The following NUP188 variants were observed in gnomAD, a reference collection of about 807,000 sequenced individuals.
NUP188 encodes the protein nucleoporin NUP188.
Under a neutral mutation model 223.0 loss-of-function variants are expected in NUP188, and 97 were observed. The observed-to-expected ratio is 0.43, with a 90% CI of 0.37 to 0.51. The LOEUF (loss-of-function observed/expected upper bound fraction) is 0.51, where lower values mean the gene tolerates loss of function less well. NUP188 is among the 20% of genes least tolerant of loss of function. The pLI is 0.00. For synonymous variants in NUP188, 869 were observed against 828.0 expected (o/e 1.05, Z -0.85); for missense variants, 1,947 against 2,175.6 (o/e 0.89, Z 2.09).
At chr9:128,988,644 A>G (rs1185085858) in intron 24 of NUP188, among the ~76,000 whole-genome samples, 1 of 152,042 alleles carries the variant, frequency 6.6e-6, no homozygotes. Context: ...CATAAATCCA[A>G]AATGTTCCAG....
At chr9:128,994,691 G>A (rs1842489159) in intron 28 of NUP188, among the ~76,000 whole-genome samples, 165 bp from the exon 29 acceptor site, 1 of 152,232 alleles carries the variant, frequency 6.6e-6, no homozygotes. Flanking sequence ...TGGAGACGTT[G>A]TGGACCTGAC....
At chr9:128,992,080 G>GT (rs1202491870) in intron 25 of NUP188, among the ~76,000 whole-genome samples, 1 of 151,264 alleles carries the variant, frequency 6.6e-6, no homozygotes, top group East Asian at 2.0e-4. Flanking sequence ...CTAATTTTTT[G>GT]TATTTTTTTT....
At position 128,986,570 on chromosome 9, in the gene NUP188, A is replaced by G; in HGVS notation, c.2089A>G (p.Ser697Gly). Residue 697 changes from serine (S) to glycine (G), a missense_variant, in exon 21 of 44, where the codon AGT becomes GGT. Physicochemically the swap from Ser to Gly is moderately conservative, Grantham distance 56. Around this residue, in one of 3 missense-constraint regions of NUP188, gnomAD observed 817 missense variants for 865.8 expected, o/e 0.94. Transcript: ENST00000372577. ...TGGTTTCTTGTAGGGGCAACTTGGTAGTACCCAGAGCCAAGGACTTGTACC... is the reference window on the plus strand; with the variant it reads ...TGGTTTCTTGTAGGGGCAACTTGGTGGTACCCAGAGCCAAGGACTTGTACC... Reference protein sequence around the residue: ...ITTLVKGQLGSTQSQGLVPCV... With the variant: ...ITTLVKGQLGGTQSQGLVPCV... The G allele has an allele frequency of 6.2e-7, 1 of 1,613,770 alleles. No homozygotes were observed. The highest frequency in any genetic ancestry group is 8.5e-7 in the Non-Finnish European group (1 of 1,179,902).
chr9:128,958,713 A>T, intron 6 of NUP188, 89 bp from the exon 7 acceptor site: 1 of 623,986 alleles, frequency 1.6e-6, no homozygotes, highest in Non-Finnish European at 2.6e-6. Flanking sequence ...TTTTCCATCC[A>T]CATCTTTAAG....
At chr9:128,972,616 A>C (rs1842118933) in intron 11 of NUP188, among the ~76,000 whole-genome samples, 1 of 152,240 alleles carries the variant, frequency 6.6e-6, no homozygotes, top group Non-Finnish European at 1.5e-5. Flanking sequence ...TGATAATAAT[A>C]ATGCCAATTG....
chr9:128,993,531 A>G lies in NUP188; in HGVS notation c.2854A>G (p.Ser952Gly). Residue 952 changes from serine to glycine, a missense_variant, in exon 27 of 44, where the codon AGC (serine) becomes GGC (glycine). Ser to Gly is a moderately conservative substitution (Grantham distance 56). Around this residue, in one of 3 missense-constraint regions of NUP188, gnomAD observed 225 missense variants for 319.1 expected, o/e 0.71. Coordinates refer to ENST00000372577, the MANE Select transcript of NUP188 (RefSeq NM_015354.3). ...TACCTGTCCCTTCTTGCAGGAATTCAGCCTTGGGATGTGGAGCTGTCTCCA... is the reference window on the plus strand; with the variant it reads ...TACCTGTCCCTTCTTGCAGGAATTCGGCCTTGGGATGTGGAGCTGTCTCCA... ...KDGSDGSKEF[S>G]LGMWSCLHAV... The G allele has an allele frequency of 1.2e-6, 2 of 1,614,138 alleles. No individual in the cohort carries two copies. Among genetic ancestry groups the G allele is most frequent in the Non-Finnish European group, 1.7e-6 (2 of 1,180,018 alleles).
At position 129,003,325 on chromosome 9, in the gene NUP188, C is replaced by G. The variant is rs371943971; in HGVS notation, c.4305C>G (p.Asn1435Lys). The part of the protein sequence containing the change: ...VHQERTLQCL[N>K]AVRTVQSLAC... ...GTGTGCTTTCCTCCCAGTGCCTCAA[C>G]GCAGTGAGGACAGTGCAGAGTCTGG... Residue 1435 changes from asparagine to lysine, a missense_variant, in exon 38 of 44, where the codon AAC becomes AAG. This residue lies in a region of NUP188 where 905 missense variants were observed against 990.6 expected (regional missense o/e 0.91). Transcript: ENST00000372577. The G allele has an allele frequency of 6.2e-7, 1 of 1,603,488 alleles. No individual in the cohort carries two copies. The highest frequency in any genetic ancestry group is 2.2e-5 in the East Asian group (1 of 44,862).
chr9:128,988,614 C>T (rs1431112922), intron 24 of NUP188, among the ~76,000 whole-genome samples: 1 of 151,030 alleles, frequency 6.6e-6, no homozygotes, highest in Non-Finnish European at 1.5e-5. Flanking sequence ...GGAATAGTTG[C>T]AGTATACTTA....
chr9:129,002,761 AAGG>A lies in NUP188; in HGVS notation c.4138-52_4138-50del. 2.5e-6 allele frequency: 4 copies of A among 1,574,096 alleles called. No individual in the cohort carries two copies. In the South Asian group the frequency reaches 4.6e-5, roughly 18 times the overall value. On this transcript the variant is annotated intron_variant, in intron 36 of 43. Transcript: ENST00000372577. ...TGGGCTGCCTTAGTTGCTGTACTAC[AAGG>A]AGGTCCTGCCTCTCAGCAGGGTTCC...
intron 38 of NUP188, 169 bp from the exon 39 acceptor site, chr9:129,004,978 G>A (rs1186092482): frequency 1.6e-6 from 1 of 639,120 alleles, no homozygotes; most frequent in East Asian, 2.6e-5. Flanking sequence ...GAGAGAAGGG[G>A]AGCATGAGGG....
At position 128,968,454 on chromosome 9, in the gene NUP188, G is replaced by T. The variant is rs1224248501; in HGVS notation, c.586-52G>T. The T allele has an allele frequency of 2.1e-6, 3 of 1,421,602 alleles. No individual in the cohort carries two copies. In the East Asian group the frequency reaches 6.8e-5, roughly 32 times the overall value. 88.1% of individuals were successfully genotyped at this position (1,421,602 alleles called of 1,614,324 possible). The stretch of plus-strand genomic sequence containing the variant: ...CTTTAAAAAATGTTCTTTAAGTACT[G>T]TTTTTAATCTCATGTTATTTCTCTC... On this transcript the variant is annotated intron_variant, in intron 8 of 43. Coordinates refer to ENST00000372577, the MANE Select transcript of NUP188 (RefSeq NM_015354.3).
intron 8 of NUP188, among the ~76,000 whole-genome samples, chr9:128,963,347 G>A (rs975528473): frequency 6.7e-6 from 1 of 148,492 alleles, no homozygotes; most frequent in Non-Finnish European, 1.5e-5. Flanking sequence ...GTTCAGTGGC[G>A]CGATTTCGAC....
Position 128,974,389 on chromosome 9 carries a change from G to GTT in NUP188, c.1203+1159_1203+1160dup, listed in dbSNP as rs778841218. Among the ~76,000 whole-genome samples, 682 of 113,308 alleles carry GTT rather than the reference G, an allele frequency of 6.0e-3. 19 individuals are homozygous for GTT. Among genetic ancestry groups the GTT allele is most frequent in the African/African-American group, 0.02 (570 of 28,902 alleles). 74.3% of individuals were successfully genotyped at this position (113,308 alleles called of 152,430 possible). On this transcript the variant is annotated intron_variant, in intron 12 of 43. Coordinates refer to ENST00000372577, the MANE Select transcript of NUP188 (RefSeq NM_015354.3). The stretch of plus-strand genomic sequence containing the variant: ...AGTAAGTCTTCTGCAGCAGGTTGTT[G>GTT]TTTTTTTTTTTTTTTTTTTTGAGAC...
At position 128,995,232 on chromosome 9, in the gene NUP188, G is replaced by A. The variant is rs989031339; in HGVS notation, c.3156-87G>A. 38 of 1,135,716 alleles carry A rather than the reference G, an allele frequency of 3.3e-5. No individual in the cohort carries two copies. The East Asian group carries it at 5.6e-4, about 17-fold the overall frequency. The allele number at this position is 1,135,716 out of a possible 1,614,324, so 70.4% of individuals were successfully genotyped here. On this transcript the variant is annotated intron_variant, in intron 29 of 43. Coordinates refer to ENST00000372577, the MANE Select transcript of NUP188 (RefSeq NM_015354.3). ...TCTGCCTTTAAGCCCATGCAAGGTC[G>A]TTTTCTCTGCCTCAACAAGGGTCTG...
In NUP188 at chr9:128,994,365, CT is replaced by C; in HGVS notation, c.3018-3del. ...AGTTATGATTTCAAACATTTATTTC[CT>C]TTTTAGACCCAAGTTTTGGGAAAAT... On this transcript the variant is annotated splice_polypyrimidine_tract_variant and splice_region_variant and intron_variant, in intron 27 of 43. Coordinates refer to ENST00000372577, the MANE Select transcript of NUP188 (RefSeq NM_015354.3). 3 of 1,601,144 alleles carry C rather than the reference CT, an allele frequency of 1.9e-6. No homozygotes were observed. Among genetic ancestry groups the C allele is most frequent in the Non-Finnish European group, 2.6e-6 (3 of 1,168,328 alleles).
chr9:128,976,560 A>T (rs907938715), intron 12 of NUP188, among the ~76,000 whole-genome samples: 2 of 152,058 alleles, frequency 1.3e-5, no homozygotes, highest in Non-Finnish European at 2.9e-5. Context: ...AATCCCAGCT[A>T]CTTGGGAGGC....
rs1842592019 is a variant in NUP188, at chr9:128,999,245, C to A, written c.3589C>A (p.Gln1197Lys). The A allele has an allele frequency of 6.2e-7, 1 of 1,614,138 alleles. No homozygotes were observed. The highest frequency in any genetic ancestry group is 1.3e-5 in the African/African-American group (1 of 75,048). Residue 1197 changes from glutamine (Q) to lysine (K), a missense_variant, in exon 33 of 44, where the codon CAA becomes AAA. Physicochemically the swap from Gln to Lys is moderately conservative, Grantham distance 53. Around this residue, in one of 3 missense-constraint regions of NUP188, gnomAD observed 905 missense variants for 990.6 expected, o/e 0.91. Coordinates refer to ENST00000372577, the MANE Select transcript of NUP188 (RefSeq NM_015354.3). ...GGAGGGAGTGCTGCAGGCCGACCAG[C>A]AACTCATGGAGAAGACCAAGGCCAA... ...ILEGVLQADQ[Q>K]LMEKTKAKVF... is the part of the protein sequence containing the mutation.
chr9:128,993,893 G>A (rs1194913478), intron 27 of NUP188, among the ~76,000 whole-genome samples, 199 bp downstream of exon 27: 1 of 152,180 alleles, frequency 6.6e-6, no homozygotes, highest in African/African-American at 2.4e-5. Context: ...TAAGCACCTG[G>A]AAGGTTCAGT....
intron 14 of NUP188, 85 bp downstream of exon 14, chr9:128,980,810 C>T: frequency 7.1e-7 from 1 of 1,416,462 alleles, no homozygotes; most frequent in Non-Finnish European, 9.7e-7. Flanking sequence ...TTCCACATTG[C>T]AGTTCTACTG....
Sources: gnomAD v4.1 joint callset for allele counts (sites outside exome capture counted in the v4.1 genomes callset) on GRCh38, gnomAD v4.1.1 for gene constraint, gnomAD v4.1.1 regional missense constraint, MANE v1.5 for transcripts, NCBI Gene and HGNC (gene_info 2026-07-23, HGNC 2026-07-21) for gene names.